INKA2: variants seen among roughly 807,000 people sequenced by gnomAD.
INKA2 encodes the protein inka box actin regulator 2, also known as PAK4-inhibitor INKA2.
A neutral mutation model predicts 9.8 loss-of-function variants in INKA2; 3 were observed. The ratio of observed to expected loss-of-function variants is 0.31; its 90% CI spans 0.14 to 0.79. INKA2 has a LOEUF of 0.79. INKA2 is among the 30% of genes least tolerant of loss of function. The probability of loss-of-function intolerance (pLI) is 0.62; values close to 1 mark genes in which losing one functional copy is unlikely to be tolerated. For synonymous variants in INKA2, 147 were observed against 143.3 expected (o/e 1.03, Z -0.18); for missense variants, 392 against 384.4 (o/e 1.02, Z -0.17).
chr1:111,755,509 C>G, intron 1 of INKA2: 1 of 625,740 alleles, frequency 1.6e-6, no homozygotes, highest in Non-Finnish European at 2.7e-6. Flanking sequence ...CGAAGCGAGA[C>G]AGGCCAGCGG....
intron 1 of INKA2, chr1:111,745,253 CACACAG>C (rs1663236159): frequency 7.8e-6 from 1 of 128,692 alleles, no homozygotes; most frequent in African/African-American, 3.1e-5. Flanking sequence ...CACACACACA[CACACAG>C]AGATATTATA....
upstream of INKA2, among the ~76,000 whole-genome samples, chr1:111,743,791 G>A (rs116275839): frequency 0.014 from 2,070 of 152,316 alleles, 47 homozygotes; most frequent in African/African-American, 0.047. Context: ...CCTCCCAAGG[G>A]CAGGGGCCCT....
intron 1 of INKA2, chr1:111,755,612 C>G (rs919948272): frequency 2.7e-5 from 41 of 1,520,024 alleles, no homozygotes; most frequent in Non-Finnish European, 3.5e-5. Flanking sequence ...CACGGCTGGG[C>G]GGCTCCGCCC....
upstream of INKA2, among the ~76,000 whole-genome samples, chr1:111,743,507 T>A (rs1663190251): frequency 6.6e-6 from 1 of 152,100 alleles, no homozygotes; most frequent in Non-Finnish European, 1.5e-5. Context: ...ATCAATGAGC[T>A]CAAATGAAGA....
chr1:111,744,326 G>C (rs881249), upstream of INKA2: 30,073 of 152,056 alleles, frequency 0.2, 3,086 homozygotes, highest in Admixed American at 0.25. Context: ...TCATAAAAAG[G>C]TCCATGAACT....
At chr1:111,752,318 C>A (rs918284483) in intron 1 of INKA2, among the ~76,000 whole-genome samples, 16 of 152,216 alleles carry the variant, frequency 1.1e-4, no homozygotes, top group African/African-American at 3.6e-4. Flanking sequence ...CTAAGTCTTT[C>A]TTGGCTCCCC....
intron 1 of INKA2, among the ~76,000 whole-genome samples, chr1:111,736,844 C>T (rs577358168): frequency 6.6e-6 from 1 of 152,372 alleles, no homozygotes; most frequent in African/African-American, 2.4e-5. Context: ...TCCCTACTGT[C>T]CCTGGGCAAG....
At chr1:111,740,470 C>T (rs959770942), upstream of INKA2, among the ~76,000 whole-genome samples, 5 of 152,208 alleles carry the variant, frequency 3.3e-5, no homozygotes, top group African/African-American at 1.2e-4. Context: ...ACGCCGCGCC[C>T]GGCCGGGACA....
At chr1:111,737,401 A>C (rs1663028990) in intron 1 of INKA2, among the ~76,000 whole-genome samples, 1 of 152,162 alleles carries the variant, frequency 6.6e-6, no homozygotes, top group South Asian at 2.1e-4. Flanking sequence ...AGGATTTAAA[A>C]ATTCGAGCCC....
At chr1:111,729,674 C>T (rs1238737640) in intron 1 of INKA2, among the ~76,000 whole-genome samples, 1 of 152,202 alleles carries the variant, frequency 6.6e-6, no homozygotes, top group Non-Finnish European at 1.5e-5. Flanking sequence ...CCCAGAGACC[C>T]GTGGGATCAT....
rs1662774311 is a variant in INKA2, at chr1:111,726,548, G to C, written c.*420C>G. 1 of 197,722 alleles carries C rather than the reference G, an allele frequency of 5.1e-6. No homozygotes were observed. The highest frequency in any genetic ancestry group is 2.3e-5 in the African/African-American group (1 of 42,766). 12.2% of individuals were successfully genotyped at this position (197,722 alleles called of 1,614,324 possible). ...AGGTCTTTATTTGGGGGCCTATCTGGGGAACCTGATGCTCCAGGGCTCTTT... is the reference window on the plus strand; with the variant it reads ...AGGTCTTTATTTGGGGGCCTATCTGCGGAACCTGATGCTCCAGGGCTCTTT... On this transcript the variant is annotated 3_prime_UTR_variant, in exon 2 of 2. Coordinates refer to ENST00000357260, the MANE Select transcript of INKA2 (RefSeq NM_019099.5).
In INKA2 at chr1:111,722,279, G is replaced by A. The variant is rs1662666165; in HGVS notation, c.*4689C>T. 1 of 152,358 alleles carries A rather than the reference G, an allele frequency of 6.6e-6. No homozygotes were observed. Among genetic ancestry groups the A allele is most frequent in the Admixed American group, 6.5e-5 (1 of 15,268 alleles). The allele number at this position is 152,358 out of a possible 1,614,324, so 9.4% of individuals were successfully genotyped here. ...ACAGATTCCTCCACCCCATCAGGAG[G>A]GAATGGATTTTAGGAGGACAGCCAC... On this transcript the variant is annotated 3_prime_UTR_variant, in exon 2 of 2. Transcript: ENST00000357260.
At chr1:111,755,294 C>G (rs1238970723) in intron 1 of INKA2, 1 of 209,224 alleles carries the variant, frequency 4.8e-6, no homozygotes, top group Non-Finnish European at 9.5e-6. Context: ...GTACTTTTAT[C>G]AGAGCTCACT....
chr1:111,739,395 C>A lies in INKA2; in HGVS notation c.-153G>T, dbSNP rs941308421. 5 of 1,483,990 alleles carry A rather than the reference C, an allele frequency of 3.4e-6. No individual in the cohort carries two copies. The South Asian group carries it at 4.1e-5, about 12-fold the overall frequency. 91.9% of individuals were successfully genotyped at this position (1,483,990 alleles called of 1,614,324 possible). On this transcript the variant is annotated 5_prime_UTR_variant, in exon 1 of 2. Transcript: ENST00000357260. ...GCGCTCCGAGCCCGGGACTCAGAGT[C>A]GCTTCCCCAGCGGCTAGCCGCGCGC...
In INKA2 at chr1:111,722,866, G is replaced by C. The variant is rs1490304909; in HGVS notation, c.*4102C>G. On this transcript the variant is annotated 3_prime_UTR_variant, in exon 2 of 2. Transcript: ENST00000357260. ...GTCACATGGTTAGTGCCTCTACTAA[G>C]GGGATGGGTTGTCCAGTATCTGCTG... The C allele has an allele frequency of 7.6e-6, 4 of 529,796 alleles. No individual in the cohort carries two copies. In the East Asian group the frequency reaches 1.4e-4, roughly 18 times the overall value. The allele number at this position is 529,796 out of a possible 1,614,324, so 32.8% of individuals were successfully genotyped here.
At chr1:111,735,293 T>TA (rs1206657820) in intron 1 of INKA2, among the ~76,000 whole-genome samples, 1 of 152,234 alleles carries the variant, frequency 6.6e-6, no homozygotes, top group Non-Finnish European at 1.5e-5. Flanking sequence ...GAATGACTCT[T>TA]ACGCAAAACA....
At position 111,727,437 on chromosome 1, in the gene INKA2, G is replaced by C; in HGVS notation, c.425C>G (p.Thr142Ser). The C allele has an allele frequency of 6.2e-7, 1 of 1,614,186 alleles. No homozygotes were observed. ...CCGGCCCCGGGACATCAACGTGGAGGTCCAGTCATCCGGTTCCACTCGCTC... is the reference window on the plus strand; with the variant it reads ...CCGGCCCCGGGACATCAACGTGGAGCTCCAGTCATCCGGTTCCACTCGCTC... ...GPERVEPDDWTSTLMSRGRNR... is the reference protein window; with the variant it reads ...GPERVEPDDWSSTLMSRGRNR... The change falls in exon 2 of 2, where the codon ACC (threonine) becomes AGC (serine). Residue 142 changes from threonine to serine, a missense_variant. Thr to Ser is a moderately conservative substitution (Grantham distance 58). Transcript: ENST00000357260.
At chr1:111,752,390 C>T (rs1488641572) in intron 1 of INKA2, among the ~76,000 whole-genome samples, 1 of 152,190 alleles carries the variant, frequency 6.6e-6, no homozygotes, top group Admixed American at 6.5e-5. Context: ...ATGAGGATAC[C>T]TGTTTGTGTG....
upstream of INKA2, among the ~76,000 whole-genome samples, chr1:111,742,382 T>G (rs1663168431): frequency 6.6e-6 from 1 of 151,992 alleles, no homozygotes; most frequent in South Asian, 2.1e-4. Context: ...GTCAGGAGTT[T>G]GAGACCAGCC....
Sources: allele counts gnomAD v4.1 joint callset (sites outside exome capture counted in the v4.1 genomes callset), GRCh38; gene constraint gnomAD v4.1.1; transcripts MANE v1.5; gene names NCBI Gene and HGNC (gene_info 2026-07-23, HGNC 2026-07-21).